The following PCDHA7 variants were observed in gnomAD, a reference collection of about 807,000 sequenced individuals.
PCDHA7 encodes the protein protocadherin alpha 7, also known as protocadherin alpha-7.
Under a neutral mutation model 57.2 loss-of-function variants are expected in PCDHA7, and 37 were observed. That is an observed-to-expected ratio of 0.65 (90% CI 0.50 to 0.85). PCDHA7 has a LOEUF of 0.85. Ranked by LOEUF, PCDHA7 falls within the 40% of genes least tolerant of loss-of-function variation. PCDHA7 has a pLI of 0.00. For synonymous variants in PCDHA7, 553 were observed against 558.8 expected (o/e 0.99, Z 0.15); for missense variants, 1,188 against 1,241.8 (o/e 0.96, Z 0.65).
At chr5:140,943,670 G>A (rs1161487572) in intron 1 of PCDHA7, among the ~76,000 whole-genome samples, 1 of 152,036 alleles carries the variant, frequency 6.6e-6, no homozygotes, top group Non-Finnish European at 1.5e-5. Flanking sequence ...TGTATAAAGT[G>A]TGAAAAAAAG....
intron 1 of PCDHA7, among the ~76,000 whole-genome samples, chr5:140,925,502 C>G (rs978472276): frequency 6.6e-6 from 1 of 151,912 alleles, no homozygotes; most frequent in Admixed American, 6.6e-5. Context: ...GTCCCAATAT[C>G]CACGCAAAAG....
At chr5:140,848,167 C>G (rs1554142004) in intron 1 of PCDHA7, 1 of 254,352 alleles carries the variant, frequency 3.9e-6, no homozygotes, top group African/African-American at 2.2e-5. Flanking sequence ...TAAGAAGGCT[C>G]CAGCAAGAGA....
chr5:140,884,839 G>A lies in PCDHA7; in HGVS notation c.2355+48101G>A, dbSNP rs180730260. Reference sequence around the variant, plus strand: ...ACATTATGTGTTGGATTATCCTTCAGAGTGAAATCTTAACTCACAAACCAT... The same window carrying A: ...ACATTATGTGTTGGATTATCCTTCAAAGTGAAATCTTAACTCACAAACCAT... On this transcript the variant is annotated intron_variant, in intron 1 of 3. Coordinates refer to ENST00000525929, the MANE Select transcript of PCDHA7 (RefSeq NM_018910.3). 2.5e-3 allele frequency: 2,207 copies of A among 893,274 alleles called. 7 individuals are homozygous for A. Among genetic ancestry groups the A allele is most frequent in the Middle Eastern group, 9.3e-3 (26 of 2,802 alleles). 55.3% of individuals were successfully genotyped at this position (893,274 alleles called of 1,614,324 possible). A position where few individuals can be genotyped will look rare whatever the true frequency, so the allele number is the denominator to read the frequency against.
At chr5:140,927,478 C>A (rs959432734) in intron 1 of PCDHA7, 1 of 1,614,062 alleles carries the variant, frequency 6.2e-7, no homozygotes, top group Non-Finnish European at 8.5e-7. Context: ...TCGCGAACAG[C>A]GCGCCACCCA....
At chr5:140,929,281 C>A in intron 1 of PCDHA7, 1 of 1,602,592 alleles carries the variant, frequency 6.2e-7, no homozygotes, top group Non-Finnish European at 8.5e-7. Context: ...ATCCTGTATT[C>A]AGATTCGGAA....
At chr5:140,929,782 A>G (rs574140858) in intron 1 of PCDHA7, 12 of 168,464 alleles carry the variant, frequency 7.1e-5, no homozygotes, top group Non-Finnish European at 1.6e-4. Context: ...AGATGTAAAA[A>G]TAAATTACAA....
chr5:140,858,015 C>T lies in PCDHA7; in HGVS notation c.2355+21277C>T, dbSNP rs781847343. ...GTGCTGGTGAAGGACCATGGCGAGC[C>T]GTCGCTGACGGCCACGGCCACTGTG... On this transcript the variant is annotated intron_variant, in intron 1 of 3. Transcript: ENST00000525929. The T allele has an allele frequency of 2.6e-5, 41 of 1,596,884 alleles. 4 individuals carry two copies. Among genetic ancestry groups the T allele is most frequent in the South Asian group, 1.2e-4 (11 of 90,482 alleles).
At chr5:140,938,699 A>G (rs1418739484) in intron 1 of PCDHA7, among the ~76,000 whole-genome samples, 4 of 152,128 alleles carry the variant, frequency 2.6e-5, no homozygotes, top group African/African-American at 4.8e-5. Context: ...TTTTAAATAT[A>G]TGTTTATGAT....
At chr5:140,874,926 A>C (rs1282020251) in intron 1 of PCDHA7, among the ~76,000 whole-genome samples, 1 of 152,228 alleles carries the variant, frequency 6.6e-6, no homozygotes, top group Non-Finnish European at 1.5e-5. Flanking sequence ...GTGAAGGTTA[A>C]AAGTTATTGA....
At chr5:140,870,229 C>A (rs781897836) in intron 1 of PCDHA7, 3 of 1,614,046 alleles carry the variant, frequency 1.9e-6, no homozygotes, top group South Asian at 1.1e-5. Flanking sequence ...CGTGTCTGAC[C>A]GTGACTCAGG....
chr5:141,008,241 C>G (rs1474460463), intron 3 of PCDHA7, among the ~76,000 whole-genome samples: 2 of 152,118 alleles, frequency 1.3e-5, no homozygotes, highest in African/African-American at 2.4e-5. Flanking sequence ...TGCTCAGGGA[C>G]ACCAAATTAG....
chr5:140,929,162 G>T (rs2153599635), intron 1 of PCDHA7: 4 of 1,614,060 alleles, frequency 2.5e-6, no homozygotes, highest in Non-Finnish European at 3.4e-6. Context: ...TATCTCTATC[G>T]GGCCTCTCTG....
intron 1 of PCDHA7, among the ~76,000 whole-genome samples, chr5:140,910,282 T>C (rs557559116): frequency 1.3e-5 from 2 of 152,300 alleles, no homozygotes; most frequent in East Asian, 1.9e-4. Context: ...AGGAACACCA[T>C]GATTAATCAA....
chr5:140,879,908 T>G (rs1468115653), intron 1 of PCDHA7, among the ~76,000 whole-genome samples: 2 of 152,218 alleles, frequency 1.3e-5, no homozygotes, highest in Non-Finnish European at 2.9e-5. Context: ...TCTCTCTATG[T>G]GTTGGTTTTA....
chr5:140,853,897 G>T lies in PCDHA7; in HGVS notation c.2355+17159G>T, dbSNP rs1222195078. Reference sequence around the variant, plus strand: ...AGTTTCTGTAATTTAAAAAGATGTGGTGGCCTGACACCTGCAATCCCAACA... The same window carrying T: ...AGTTTCTGTAATTTAAAAAGATGTGTTGGCCTGACACCTGCAATCCCAACA... On this transcript the variant is annotated intron_variant, in intron 1 of 3. Coordinates refer to ENST00000525929, the MANE Select transcript of PCDHA7 (RefSeq NM_018910.3). 24 of 967,496 alleles carry T rather than the reference G, an allele frequency of 2.5e-5. 1 individual carries two copies. In the African/African-American group the frequency reaches 4.3e-4, roughly 17 times the overall value. The allele number at this position is 967,496 out of a possible 1,614,324, so 59.9% of individuals were successfully genotyped here.
At chr5:140,883,502 G>T in intron 1 of PCDHA7, 1 of 1,614,160 alleles carries the variant, frequency 6.2e-7, no homozygotes, top group Non-Finnish European at 8.5e-7. Context: ...GCTGGACAGC[G>T]CCCTGGACCG....
In PCDHA7 at chr5:141,000,421, A is replaced by ATTTTT. The variant is rs34755515; in HGVS notation, c.2504-9187_2504-9183dup. Among the ~76,000 whole-genome samples, 110 of 27,976 alleles carry ATTTTT rather than the reference A, an allele frequency of 3.9e-3. 3 individuals carry two copies. Among genetic ancestry groups the ATTTTT allele is most frequent in the Non-Finnish European group, 5.0e-3 (89 of 17,656 alleles). The allele number at this position is 27,976 out of a possible 152,430, so 18.4% of individuals were successfully genotyped here. ...TATATATATATATATATATATATATATTTTTTTTTTTTTTTTTTTTTTTGA... is the reference window on the plus strand; with the variant it reads ...TATATATATATATATATATATATATATTTTTTTTTTTTTTTTTTTTTTTTTTTTGA... On this transcript the variant is annotated intron_variant, in intron 3 of 3. Coordinates refer to ENST00000525929, the MANE Select transcript of PCDHA7 (RefSeq NM_018910.3).
At chr5:140,926,320 C>T (rs555057115) in intron 1 of PCDHA7, 1 of 152,240 alleles carries the variant, frequency 6.6e-6, no homozygotes, top group Non-Finnish European at 1.5e-5. Context: ...AGAGGTGCGC[C>T]GGGGTCAGAG....
At chr5:140,836,761 T>C in intron 1 of PCDHA7, 23 bp downstream of exon 1, 2 of 1,569,180 alleles carry the variant, frequency 1.3e-6, no homozygotes, top group Non-Finnish European at 1.7e-6. Flanking sequence ...TAATCTTGTT[T>C]CCAACAATTT....
Sources: allele counts gnomAD v4.1 joint callset (sites outside exome capture counted in the v4.1 genomes callset), GRCh38; gene constraint gnomAD v4.1.1; transcripts MANE v1.5; gene names NCBI Gene and HGNC (gene_info 2026-07-23, HGNC 2026-07-21).